The following DGKD variants were observed in gnomAD, a reference collection of about 807,000 sequenced individuals.
The protein encoded by DGKD is DAG kinase delta.
A neutral mutation model predicts 154.4 loss-of-function variants in DGKD; 68 were observed. That is an observed-to-expected ratio of 0.44 (90% CI 0.36 to 0.54). DGKD has a LOEUF of 0.54. Among genes scored for constraint, DGKD ranks in the 20% least tolerant of loss-of-function variants. The pLI is 0.00. For synonymous variants in DGKD, 693 were observed against 638.0 expected, an observed-to-expected ratio of 1.09 and a Z score of -1.30; for missense variants, 1,343 against 1,593.6, an observed-to-expected ratio of 0.84 and a Z score of 2.68.
intron 1 of DGKD, among the ~76,000 whole-genome samples, chr2:233,380,223 A>G (rs1702814716): frequency 6.6e-6 from 1 of 152,218 alleles, no homozygotes. Flanking sequence ...TTAACTAAAG[A>G]GGAAACGTGG....
intron 18 of DGKD, among the ~76,000 whole-genome samples, chr2:233,453,980 A>G (rs2063374705): frequency 6.6e-6 from 1 of 152,248 alleles, no homozygotes. Flanking sequence ...TTTGAGATCC[A>G]GAGTTGAAAT....
At position 233,462,489 on chromosome 2, in the gene DGKD, T is replaced by G. The variant is rs1322422045; in HGVS notation, c.3093+30T>G. The G allele has an allele frequency of 1.9e-6, 3 of 1,578,552 alleles. No individual in the cohort carries two copies. The African/African-American group carries it at 4.0e-5, about 21-fold the overall frequency. On this transcript the variant is annotated intron_variant, in intron 25 of 29. Coordinates refer to ENST00000264057, the MANE Select transcript of DGKD (RefSeq NM_152879.3). ...CTATTCTGGCCTTTTCAGTCCTGGC[T>G]TCTTCTCAGTGTCTGCCGCCCTCGG...
chr2:233,397,308 G>T (rs1384313023), intron 3 of DGKD, among the ~76,000 whole-genome samples: 1 of 87,286 alleles, frequency 1.1e-5, no homozygotes, highest in Admixed American at 1.1e-4. Context: ...GCTGGGGGGG[G>T]GGCCAGAGCG....
chr2:233,463,802 C>T (rs2063743816), intron 26 of DGKD: 1 of 292,122 alleles, frequency 3.4e-6, no homozygotes, highest in African/African-American at 2.1e-5. Flanking sequence ...CTGCACACCT[C>T]CTGCTGCCTC....
chr2:233,358,048 G>C (rs1349940883), intron 1 of DGKD, among the ~76,000 whole-genome samples: 2 of 152,204 alleles, frequency 1.3e-5, no homozygotes, highest in Non-Finnish European at 2.9e-5. Flanking sequence ...ATGCATGTCT[G>C]ATTTTTTAAT....
chr2:233,389,640 G>C (rs74929180), intron 2 of DGKD, among the ~76,000 whole-genome samples: 2,534 of 151,948 alleles, frequency 0.017, 80 homozygotes, highest in African/African-American at 0.056. Context: ...GGAGGGGAAA[G>C]GTTACTTAAA....
At chr2:233,412,504 C>G (rs2061853603) in intron 3 of DGKD, among the ~76,000 whole-genome samples, 1 of 151,608 alleles carries the variant, frequency 6.6e-6, no homozygotes, top group African/African-American at 2.4e-5. Context: ...TGTAGATTCC[C>G]TAGAAAGTTC....
At chr2:233,380,523 C>T (rs1702834020) in intron 1 of DGKD, among the ~76,000 whole-genome samples, 1 of 152,206 alleles carries the variant, frequency 6.6e-6, no homozygotes, top group Admixed American at 6.5e-5. Flanking sequence ...CAGCCAAGCA[C>T]TTGCCTACCT....
intron 3 of DGKD, among the ~76,000 whole-genome samples, chr2:233,423,695 G>A (rs1341167384): frequency 6.6e-6 from 1 of 152,036 alleles, no homozygotes; most frequent in Non-Finnish European, 1.5e-5. Flanking sequence ...TTTTCTTGTG[G>A]CGCTGGCTGG....
At chr2:233,436,800 G>A (rs2062713009) in intron 7 of DGKD, among the ~76,000 whole-genome samples, 1 of 152,260 alleles carries the variant, frequency 6.6e-6, no homozygotes, top group East Asian at 1.9e-4. Context: ...TTGGAGCGGC[G>A]TTGGCTCTGG....
chr2:233,385,917 A>G (rs112308807), intron 1 of DGKD: 2 of 438,836 alleles, frequency 4.6e-6, no homozygotes, highest in South Asian at 1.6e-5. Flanking sequence ...CACTCTTGTT[A>G]TAAATAAAGC....
chr2:233,419,156 C>T, intron 3 of DGKD: 2 of 942,236 alleles, frequency 2.1e-6, no homozygotes, highest in Non-Finnish European at 2.5e-6. Context: ...TCTCGGCCAC[C>T]TTTCCAAGCG....
intron 1 of DGKD, among the ~76,000 whole-genome samples, chr2:233,379,086 T>C (rs1361728310): frequency 2.6e-5 from 4 of 152,176 alleles, no homozygotes; most frequent in Admixed American, 2.6e-4. Flanking sequence ...ATAAACCCAC[T>C]GAACCTGAGG....
intron 3 of DGKD, among the ~76,000 whole-genome samples, chr2:233,432,569 G>C (rs1193442592): frequency 6.6e-6 from 1 of 152,212 alleles, no homozygotes; most frequent in Non-Finnish European, 1.5e-5. Flanking sequence ...TGAGGCAGGA[G>C]AATGGCATGA....
intron 1 of DGKD, among the ~76,000 whole-genome samples, chr2:233,361,915 C>T (rs1701799972): frequency 6.6e-6 from 1 of 152,098 alleles, no homozygotes; most frequent in Admixed American, 6.5e-5. Context: ...CCTGCCTCAG[C>T]CCCCCGAGTA....
At chr2:233,424,541 G>A (rs1056028662) in intron 3 of DGKD, among the ~76,000 whole-genome samples, 6 of 152,332 alleles carry the variant, frequency 3.9e-5, no homozygotes, top group Middle Eastern at 3.4e-3. Flanking sequence ...GCCAGACACC[G>A]CTTGTACTGA....
intron 3 of DGKD, among the ~76,000 whole-genome samples, chr2:233,426,146 A>G (rs532397354): frequency 6.6e-6 from 1 of 152,334 alleles, no homozygotes; most frequent in South Asian, 2.1e-4. Flanking sequence ...ATCCATTTCT[A>G]ACACTGTTTT....
intron 26 of DGKD, 131 bp from the exon 27 acceptor site, chr2:233,464,033 T>G: frequency 7.6e-7 from 1 of 1,309,894 alleles, no homozygotes; most frequent in South Asian, 1.5e-5. Flanking sequence ...GCTCTGGGAC[T>G]TCGTTTCTGG....
chr2:233,434,564 C>T lies in DGKD; in HGVS notation c.453+80C>T, dbSNP rs549732313. 3.3e-5 allele frequency: 48 copies of T among 1,444,622 alleles called. No homozygotes were observed. The Admixed American group carries it at 3.9e-4, about 12-fold the overall frequency. The allele number at this position is 1,444,622 out of a possible 1,614,324, so 89.5% of individuals were successfully genotyped here. A position where few individuals can be genotyped will look rare whatever the true frequency, so the allele number is the denominator to read the frequency against. The stretch of plus-strand genomic sequence containing the variant: ...GTGTCTGCTGTCTGAGTGTCTCCCA[C>T]GTGCGGACCCACAGTCTGGAGCTCA... On this transcript the variant is annotated intron_variant, in intron 4 of 29. Transcript: ENST00000264057.
Sources: gnomAD v4.1 joint callset for allele counts (sites outside exome capture counted in the v4.1 genomes callset) on GRCh38, gnomAD v4.1.1 for gene constraint, MANE v1.5 for transcripts, NCBI Gene and HGNC (gene_info 2026-07-23, HGNC 2026-07-21) for gene names.